The following PARP14 variants were observed in gnomAD, a reference collection of about 807,000 sequenced individuals.
PARP14 encodes protein mono-ADP-ribosyltransferase PARP14.
Under a neutral mutation model 154.2 loss-of-function variants are expected in PARP14, and 59 were observed. That is an observed-to-expected ratio of 0.38 (90% CI 0.31 to 0.48). The LOEUF is 0.48. Ranked by LOEUF, PARP14 falls within the 20% of genes least tolerant of loss-of-function variation. The pLI is 0.98. For missense variants in PARP14, 1,734 were observed against 2,131.6 expected (o/e 0.81, Z 3.67); for synonymous variants, 720 against 780.5 (o/e 0.92, Z 1.29).
At chr3:122,691,893 G>A (rs772514322) in intron 3 of PARP14, among the ~76,000 whole-genome samples, 6 of 152,090 alleles carry the variant, frequency 3.9e-5, no homozygotes, top group Admixed American at 1.3e-4. Context: ...GTCCTATAAT[G>A]TAAATTGTTC....
rs951694337 is a variant in PARP14 at position 122,700,306 on chromosome 3, C to T, written c.1752C>T (p.Ala584=). ...TVLLTSCSSE[A]LLEAEKQMLS... Reference sequence around the variant, plus strand: ...TCTTAACCAGCTGTTCTTCTGAAGCCCTGTTAGAAGCAGAAAAGCAAATGC... The same window carrying T: ...TCTTAACCAGCTGTTCTTCTGAAGCTCTGTTAGAAGCAGAAAAGCAAATGC... The change falls in exon 6 of 17, where the codon GCC becomes GCT. Residue 584 remains alanine, a synonymous_variant. Transcript: ENST00000474629. The T allele has an allele frequency of 6.2e-7, 1 of 1,613,380 alleles. No homozygotes were observed. Among genetic ancestry groups the T allele is most frequent in the Non-Finnish European group, 8.5e-7 (1 of 1,179,582 alleles).
intron 12 of PARP14, among the ~76,000 whole-genome samples, chr3:122,716,669 C>G (rs570410965): frequency 6.6e-6 from 1 of 152,214 alleles, no homozygotes; most frequent in South Asian, 2.1e-4. Flanking sequence ...TTCATTCTGG[C>G]CTCCTCTTTT....
At chr3:122,693,607 G>A (rs1359400551) in intron 4 of PARP14, among the ~76,000 whole-genome samples, 1 of 152,236 alleles carries the variant, frequency 6.6e-6, no homozygotes, top group African/African-American at 2.4e-5. Flanking sequence ...GGGAGGCCAA[G>A]GCAGATGGAT....
intron 4 of PARP14, 21 bp from the exon 5 acceptor site, chr3:122,695,403 TTC>T: frequency 8.6e-7 from 1 of 1,167,898 alleles, no homozygotes; most frequent in Non-Finnish European, 1.2e-6. Flanking sequence ...CTGATTTTCT[TTC>T]TTTTTTTTTT....
At chr3:122,693,452 C>T (rs942333700) in intron 4 of PARP14, among the ~76,000 whole-genome samples, 11 of 152,202 alleles carry the variant, frequency 7.2e-5, no homozygotes, top group African/African-American at 2.7e-4. Flanking sequence ...TTATTATCCT[C>T]CCTATGCCTC....
At chr3:122,683,609 T>C (rs555308029) in intron 1 of PARP14, among the ~76,000 whole-genome samples, 2 of 152,320 alleles carry the variant, frequency 1.3e-5, no homozygotes, top group East Asian at 3.9e-4. Context: ...AATTAAATGT[T>C]GATGATCTAA....
intron 12 of PARP14, among the ~76,000 whole-genome samples, chr3:122,716,283 T>A (rs1024187054): frequency 1.3e-5 from 2 of 152,172 alleles, no homozygotes; most frequent in African/African-American, 4.8e-5. Context: ...AAACCTGCCC[T>A]TCCTCTTATA....
At chr3:122,715,137 C>T (rs1412749547) in intron 12 of PARP14, among the ~76,000 whole-genome samples, 1 of 151,784 alleles carries the variant, frequency 6.6e-6, no homozygotes, top group South Asian at 2.1e-4. Context: ...GGTACATGGG[C>T]AGAATGTGCA....
chr3:122,726,549 A>G (rs1933291024), intron 15 of PARP14, among the ~76,000 whole-genome samples: 1 of 152,204 alleles, frequency 6.6e-6, no homozygotes, highest in Non-Finnish European at 1.5e-5. Flanking sequence ...GATAAAAGTA[A>G]TCTACCCTGG....
chr3:122,694,680 T>A (rs1938711893), intron 4 of PARP14, among the ~76,000 whole-genome samples: 1 of 152,128 alleles, frequency 6.6e-6, no homozygotes, highest in Non-Finnish European at 1.5e-5. Context: ...CAACCATGCC[T>A]GGCTAATTTT....
chr3:122,690,774 A>G (rs1348482599), intron 3 of PARP14, among the ~76,000 whole-genome samples: 1 of 152,182 alleles, frequency 6.6e-6, no homozygotes, highest in African/African-American at 2.4e-5. Context: ...GTTCTCCCAA[A>G]GTGCTGGGAT....
chr3:122,691,227 TG>T lies in PARP14; in HGVS notation c.356-1073del, dbSNP rs1388060789. ...GAAAATCTGTAAATTTCTTAACTAATGTTTTTTTATATTCTTACTTCTCCTT... is the reference window on the plus strand; with the variant it reads ...GAAAATCTGTAAATTTCTTAACTAATTTTTTTTATATTCTTACTTCTCCTT... On this transcript the variant is annotated intron_variant, in intron 3 of 16. Coordinates refer to ENST00000474629, the MANE Select transcript of PARP14 (RefSeq NM_017554.3). Among the ~76,000 whole-genome samples the T allele has an allele frequency of 1.1e-4, 16 of 152,330 alleles. No homozygotes were observed. In the East Asian group the frequency reaches 2.3e-3, roughly 22 times the overall value.
At chr3:122,693,189 C>T (rs554083125) in intron 4 of PARP14, among the ~76,000 whole-genome samples, 1 of 152,338 alleles carries the variant, frequency 6.6e-6, no homozygotes, top group African/African-American at 2.4e-5. Flanking sequence ...TTAGCACTTT[C>T]ATGGTCATTC....
At chr3:122,704,773 A>G (rs1939098807) in intron 8 of PARP14, 25 bp downstream of exon 8, 2 of 1,403,962 alleles carry the variant, frequency 1.4e-6, no homozygotes, top group South Asian at 2.5e-5. Context: ...ATTTCTGATT[A>G]TTTTGGCAAC....
chr3:122,724,116 G>C (rs1253305951), intron 15 of PARP14, among the ~76,000 whole-genome samples: 5 of 151,996 alleles, frequency 3.3e-5, no homozygotes, highest in African/African-American at 1.2e-4. Context: ...TGCTTATCCT[G>C]TACTTTCCTT....
chr3:122,701,340 C>G lies in PARP14; in HGVS notation c.2786C>G (p.Pro929Arg). The G allele has an allele frequency of 1.2e-6, 2 of 1,614,054 alleles. No individual in the cohort carries two copies. Among genetic ancestry groups the G allele is most frequent in the Non-Finnish European group, 1.7e-6 (2 of 1,179,882 alleles). ...PAISSGVFGF[P>R]LGRCVETIVS... The stretch of plus-strand genomic sequence containing the variant: ...ATTAGTTCTGGAGTCTTTGGCTTTC[C>G]CTTAGGCCGATGCGTGGAGACCATT... Residue 929 changes from proline (P) to arginine (R), a missense_variant, in exon 6 of 17, where the codon CCC becomes CGC. Pro to Arg is a moderately radical substitution (Grantham distance 103, BLOSUM62 -2). Around this residue, in one of 2 missense-constraint regions of PARP14, gnomAD observed 1,646 missense variants for 1,976.0 expected, o/e 0.83. Transcript: ENST00000474629. This position sits in a 1 kb window ranked among gnomAD's most constrained non-coding sequence, Gnocchi z 4.0.
chr3:122,693,718 G>A (rs1446069951), intron 4 of PARP14, among the ~76,000 whole-genome samples: 8 of 151,784 alleles, frequency 5.3e-5, no homozygotes, highest in African/African-American at 9.7e-5. Flanking sequence ...GCGCACACCC[G>A]TCCTCCCAGC....
At chr3:122,690,466 G>A (rs983667047) in intron 3 of PARP14, among the ~76,000 whole-genome samples, 2 of 152,108 alleles carry the variant, frequency 1.3e-5, no homozygotes, top group Non-Finnish European at 2.9e-5. Flanking sequence ...TCTAACTGTT[G>A]TAACAAACAA....
At chr3:122,714,504 G>A in intron 12 of PARP14, 75 bp downstream of exon 12, 1 of 1,213,304 alleles carries the variant, frequency 8.2e-7, no homozygotes. Context: ...GAGTGTGAAT[G>A]CGGTCAGTGC....
Sources: gnomAD v4.1 joint callset for allele counts (sites outside exome capture counted in the v4.1 genomes callset) on GRCh38, gnomAD v4.1.1 for gene constraint, gnomAD v4.1.1 regional missense constraint, Gnocchi (gnomAD v3.1) non-coding constraint, MANE v1.5 for transcripts, NCBI Gene and HGNC (gene_info 2026-07-23, HGNC 2026-07-21) for gene names.